The following CAMK2B variants were observed in gnomAD, a reference collection of about 807,000 sequenced individuals.
CAMK2B encodes calcium/calmodulin dependent protein kinase II beta.
CAMK2B carries 27 observed loss-of-function variants against 93.7 expected under a neutral mutation model. The ratio of observed to expected loss-of-function variants is 0.29; its 90% confidence interval spans 0.21 to 0.40. The LOEUF (loss-of-function observed/expected upper bound fraction) is 0.40. CAMK2B is among the 10% of genes least tolerant of loss of function. The pLI is 1.00. For missense variants in CAMK2B, 568 were observed against 895.8 expected (o/e 0.63, Z 4.67); for synonymous variants, 374 against 358.8 (o/e 1.04, Z -0.48).
At chr7:44,250,670 C>T (rs2096772118) in intron 5 of CAMK2B, among the ~76,000 whole-genome samples, 1 of 151,996 alleles carries the variant, frequency 6.6e-6, no homozygotes, top group East Asian at 1.9e-4. Flanking sequence ...GCTGGGATTA[C>T]AGGCATGCGC....
intron 3 of CAMK2B, among the ~76,000 whole-genome samples, chr7:44,261,007 T>C (rs2096874820): frequency 6.6e-6 from 1 of 152,158 alleles, no homozygotes; most frequent in African/African-American, 2.4e-5. Context: ...GAAACCAATG[T>C]CCCCTTTCCC....
rs553840423 is a variant in CAMK2B at position 44,219,767 on chromosome 7, G to A, written c.*3-245C>T. Among the ~76,000 whole-genome samples the A allele has an allele frequency of 2.6e-5, 4 of 152,300 alleles. No individual in the cohort carries two copies. The South Asian group carries it at 8.3e-4, about 32-fold the overall frequency. On this transcript the variant is annotated intron_variant, in intron 23 of 23. Transcript: ENST00000395749. Reference sequence around the variant, plus strand: ...TAACAGTCCTCACAAACAGGGCATGGTGCCCAGGACTGTGCTGCCCGGGGC... The same window carrying A: ...TAACAGTCCTCACAAACAGGGCATGATGCCCAGGACTGTGCTGCCCGGGGC...
At chr7:44,314,376 T>C (rs1486237076) in intron 1 of CAMK2B, among the ~76,000 whole-genome samples, 1 of 152,226 alleles carries the variant, frequency 6.6e-6, no homozygotes, top group Non-Finnish European at 1.5e-5. Flanking sequence ...AAACAACACA[T>C]GGCCTTTTGC....
At chr7:44,244,953 A>G (rs925854427) in intron 6 of CAMK2B, 3 of 456,028 alleles carry the variant, frequency 6.6e-6, no homozygotes, top group African/African-American at 6.0e-5. Flanking sequence ...ACCAATCCAC[A>G]GGCCACTGGA....
chr7:44,225,769 A>G lies in CAMK2B; in HGVS notation c.1597+747T>C, dbSNP rs1212515208. The G allele has an allele frequency of 7.0e-6, 9 of 1,289,294 alleles. No individual in the cohort carries two copies. Among genetic ancestry groups the G allele is most frequent in the Non-Finnish European group, 9.1e-6 (9 of 988,760 alleles). 79.9% of individuals were successfully genotyped at this position (1,289,294 alleles called of 1,614,324 possible). The stretch of plus-strand genomic sequence containing the variant: ...CTGTCCCTCAAGTACTTACCTAGCC[A>G]CTGCCCTGCCATGCCGAGCCCGTGG... On this transcript the variant is annotated intron_variant, in intron 20 of 23. Transcript: ENST00000395749. The surrounding 1 kb of genome is among the most constrained non-coding windows in gnomAD (Gnocchi z 5.0).
rs1461818793 is a variant in CAMK2B, at chr7:44,232,886, C to T, written c.1132-20G>A. 6.8e-6 allele frequency: 11 copies of T among 1,611,278 alleles called. No individual in the cohort carries two copies. The highest frequency in any genetic ancestry group is 1.3e-5 in the African/African-American group (1 of 74,814). On this transcript the variant is annotated intron_variant, in intron 15 of 23. Transcript: ENST00000395749. The stretch of plus-strand genomic sequence containing the variant: ...AGGCTCCTACAGAAGAAGGAAGACA[C>T]AGAGGAAGGAAAGAGAGGGAAAGTG...
intron 1 of CAMK2B, among the ~76,000 whole-genome samples, chr7:44,313,176 G>T (rs917010909): frequency 6.6e-6 from 1 of 152,110 alleles, no homozygotes; most frequent in Admixed American, 6.5e-5. Flanking sequence ...TGCCTAGCTG[G>T]GGTCCTGAGT....
Position 44,226,533 on chromosome 7 carries a change from C to A in CAMK2B, c.1580G>T (p.Gly527Val). 6.8e-7 allele frequency: 1 copy of A among 1,460,738 alleles called. No individual in the cohort carries two copies. Among genetic ancestry groups the A allele is most frequent in the Non-Finnish European group, 9.0e-7 (1 of 1,109,170 alleles). 90.5% of individuals were successfully genotyped at this position (1,460,738 alleles called of 1,614,324 possible). Residue 527 changes from glycine to valine, a missense_variant, in exon 20 of 24, where the codon GGC becomes GTC. Around this residue, in one of 4 missense-constraint regions of CAMK2B, gnomAD observed 308 missense variants for 292.1 expected, o/e 1.05. Transcript: ENST00000395749. ...PPPCPSPTIP[G>V]PLPTPSRKQE... ...CTACTTACATGGGGTGGGCAGGGGG[C>A]CAGGGATAGTCGGAGATGGGCAGGG...
chr7:44,324,867 C>T (rs2116733414), intron 1 of CAMK2B, among the ~76,000 whole-genome samples: 1 of 152,200 alleles, frequency 6.6e-6, no homozygotes, highest in East Asian at 1.9e-4. Context: ...GGGCCACGCG[C>T]AGGAGCAGGC....
intron 2 of CAMK2B, among the ~76,000 whole-genome samples, chr7:44,263,461 C>T (rs575106004): frequency 2.0e-5 from 3 of 151,814 alleles, no homozygotes; most frequent in African/African-American, 4.8e-5. Flanking sequence ...AGAATGGGGC[C>T]GGGAGGGGGT....
chr7:44,254,060 A>G lies in CAMK2B; in HGVS notation c.341+482T>C, dbSNP rs2096808266. ...GTCAGGGTGGCATCTGGCCTGGGCC[A>G]CAGCAGGCTACCAGTGGCCTATGCT... On this transcript the variant is annotated intron_variant, in intron 5 of 23. Coordinates refer to ENST00000395749, the MANE Select transcript of CAMK2B (RefSeq NM_001220.5). 2.6e-5 allele frequency among the ~76,000 whole-genome samples: 4 copies of G among 152,276 alleles called. No homozygotes were observed. The East Asian group carries it at 7.7e-4, about 29-fold the overall frequency.
intron 1 of CAMK2B, among the ~76,000 whole-genome samples, chr7:44,304,399 T>G (rs761300419): frequency 1.3e-5 from 2 of 152,212 alleles, no homozygotes; most frequent in Non-Finnish European, 2.9e-5. Context: ...AATGGAATAT[T>G]ATTCAGCTAA....
Position 44,228,854 on chromosome 7 carries a change from G to T in CAMK2B, c.1410C>A (p.Leu470=). Residue 470 remains leucine (L), a synonymous_variant, in exon 19 of 24, where the codon CTC becomes CTA. Transcript: ENST00000395749. ...GSGTPEAEGP[L]SAGPPPCLSP... is the part of the protein sequence containing the mutation. ...ACAGGCAGGGCGGGGGCCCCGCTGAGAGGGGGCCCTCGGCTTCTGGGGTTC... is the reference window on the plus strand; with the variant it reads ...ACAGGCAGGGCGGGGGCCCCGCTGATAGGGGGCCCTCGGCTTCTGGGGTTC... 6.7e-7 allele frequency: 1 copy of T among 1,502,118 alleles called. No homozygotes were observed. Among genetic ancestry groups the T allele is most frequent in the East Asian group, 2.4e-5 (1 of 41,978 alleles). The allele number at this position is 1,502,118 out of a possible 1,614,324, so 93.0% of individuals were successfully genotyped here. A position where few individuals can be genotyped will look rare whatever the true frequency, so the allele number is the denominator to read the frequency against.
chr7:44,321,132 C>T (rs1414974094), intron 1 of CAMK2B, among the ~76,000 whole-genome samples: 2 of 152,154 alleles, frequency 1.3e-5, no homozygotes, highest in African/African-American at 4.8e-5. Context: ...TACGATGATC[C>T]CTCCTCCTCC....
intron 20 of CAMK2B, among the ~76,000 whole-genome samples, chr7:44,221,516 T>C (rs2096406310): frequency 6.7e-6 from 1 of 149,792 alleles, no homozygotes; most frequent in African/African-American, 2.6e-5. Context: ...GGCTGCAGGG[T>C]TCCCCGGAGC....
intron 1 of CAMK2B, among the ~76,000 whole-genome samples, chr7:44,289,876 A>C (rs1786269809): frequency 6.6e-6 from 1 of 152,168 alleles, no homozygotes; most frequent in Non-Finnish European, 1.5e-5. Context: ...CCGTTCCCTT[A>C]GTGGAAATTT....
At chr7:44,258,221 A>T (rs1042102346) in intron 4 of CAMK2B, among the ~76,000 whole-genome samples, 14 of 152,250 alleles carry the variant, frequency 9.2e-5, no homozygotes, top group African/African-American at 3.4e-4. Flanking sequence ...ACACATGCAC[A>T]TTCATGCAAA....
At chr7:44,289,813 G>A (rs1300721424) in intron 1 of CAMK2B, among the ~76,000 whole-genome samples, 1 of 152,240 alleles carries the variant, frequency 6.6e-6, no homozygotes, top group Non-Finnish European at 1.5e-5. Context: ...GGGCAGCGCT[G>A]GGCCACGCAG....
At position 44,233,833 on chromosome 7, in the gene CAMK2B, C is replaced by T. The variant is rs1189296625; in HGVS notation, c.1131+557G>A. Among the ~76,000 whole-genome samples the T allele has an allele frequency of 3.3e-5, 5 of 152,272 alleles. No homozygotes were observed. The South Asian group carries it at 8.3e-4, about 25-fold the overall frequency. ...CAGCACTGAGGGAACACAGAGGTGA[C>T]GGCAAGCCCTCCCCTTGGCTGCCAC... On this transcript the variant is annotated intron_variant, in intron 15 of 23. Transcript: ENST00000395749.
Sources: allele counts gnomAD v4.1 joint callset (sites outside exome capture counted in the v4.1 genomes callset), GRCh38; gene constraint gnomAD v4.1.1; regional missense constraint gnomAD v4.1.1; non-coding constraint Gnocchi (gnomAD v3.1); transcripts MANE v1.5; gene names NCBI Gene and HGNC (gene_info 2026-07-23, HGNC 2026-07-21).